Variants in MALRD1 observed in about 807,000 individuals in gnomAD.
MALRD1 encodes the protein MAM and LDL receptor class A domain containing 1, also known as MAM and LDL-receptor class A domain-containing protein 1.
MALRD1 carries 247 observed loss-of-function variants against 242.1 expected under a neutral mutation model. That is an observed-to-expected ratio of 1.02 (90% confidence interval 0.92 to 1.13). The LOEUF is 1.13. Among genes scored for constraint, MALRD1 ranks in the 50% most tolerant of loss-of-function variants. The pLI is 0.00. For synonymous variants in MALRD1, 995 were observed against 866.6 expected, an observed-to-expected ratio of 1.15 and a Z score of -2.60; for missense variants, 2,989 against 2,533.1, an observed-to-expected ratio of 1.18 and a Z score of -3.86.
intron 19 of MALRD1, among the ~76,000 whole-genome samples, chr10:19,278,968 C>A (rs559677126): frequency 3.9e-5 from 6 of 152,276 alleles, no homozygotes; most frequent in African/African-American, 1.2e-4. Flanking sequence ...ATGGACGATT[C>A]ACCACCAAAC....
intron 1 of MALRD1, among the ~76,000 whole-genome samples, chr10:19,049,511 G>C (rs1834422904): frequency 6.6e-6 from 1 of 152,158 alleles, no homozygotes; most frequent in Non-Finnish European, 1.5e-5. Context: ...ATTTAATGTG[G>C]AGATATTTGA....
chr10:19,539,889 TGTGTGTGTGC>T (rs1387986204), intron 32 of MALRD1, among the ~76,000 whole-genome samples: 3 of 82,190 alleles, frequency 3.7e-5, no homozygotes, highest in Admixed American at 1.5e-4. Context: ...TGTGTGTGTG[TGTGTGTGTGC>T]GCGCGCGCGT....
intron 12 of MALRD1, among the ~76,000 whole-genome samples, chr10:19,164,476 AGAGAAGTATTCCACTTT>A (rs1221749383): frequency 6.6e-6 from 1 of 152,212 alleles, no homozygotes; most frequent in Non-Finnish European, 1.5e-5. Context: ...CTGAATCTAA[AGAGAAGTATTCCACTTT>A]TGTGGGACCT....
At chr10:19,100,270 GT>G (rs1836204943) in intron 4 of MALRD1, among the ~76,000 whole-genome samples, 1 of 152,122 alleles carries the variant, frequency 6.6e-6, no homozygotes, top group South Asian at 2.1e-4. Context: ...TAAGAAAAAT[GT>G]TCCTTCCTGC....
At chr10:19,725,068 A>G (rs1036894167) in intron 38 of MALRD1, 2 of 152,234 alleles carry the variant, frequency 1.3e-5, no homozygotes, top group African/African-American at 4.8e-5. Flanking sequence ...ATTGAAAGAA[A>G]TTAAATAAGA....
At chr10:19,309,864 A>T (rs1842357234) in intron 21 of MALRD1, among the ~76,000 whole-genome samples, 2 of 151,500 alleles carry the variant, frequency 1.3e-5, no homozygotes, top group African/African-American at 4.8e-5. Context: ...ATTTAATCAG[A>T]GACTTTACTG....
At chr10:19,582,523 A>T (rs1307139126) in intron 33 of MALRD1, among the ~76,000 whole-genome samples, 2 of 134,804 alleles carry the variant, frequency 1.5e-5, no homozygotes, top group Non-Finnish European at 3.4e-5. Context: ...GTCAAAGATC[A>T]GATAGTTGTA....
chr10:19,158,712 A>G (rs777087577), intron 12 of MALRD1, among the ~76,000 whole-genome samples: 13 of 152,216 alleles, frequency 8.5e-5, no homozygotes, highest in Non-Finnish European at 1.5e-4. Context: ...ACCTAAACAC[A>G]TGCTTGCTCT....
chr10:19,415,190 A>C (rs984096185), intron 28 of MALRD1, among the ~76,000 whole-genome samples: 1 of 152,182 alleles, frequency 6.6e-6, no homozygotes, highest in Non-Finnish European at 1.5e-5. Context: ...AGATACAATA[A>C]TTTTTAAATG....
intron 8 of MALRD1, among the ~76,000 whole-genome samples, chr10:19,133,614 T>A (rs913302638): frequency 2.0e-5 from 3 of 152,180 alleles, no homozygotes; most frequent in Non-Finnish European, 4.4e-5. Flanking sequence ...TCATCCAAAT[T>A]TTTGTTCCAT....
At chr10:19,094,934 T>C (rs1270121446) in intron 4 of MALRD1, among the ~76,000 whole-genome samples, 10 of 152,202 alleles carry the variant, frequency 6.6e-5, no homozygotes, top group Admixed American at 5.9e-4. Flanking sequence ...TATTTTAACA[T>C]TTGGGACAAT....
At chr10:19,364,074 C>T (rs756179009) in intron 26 of MALRD1, among the ~76,000 whole-genome samples, 4 of 151,902 alleles carry the variant, frequency 2.6e-5, no homozygotes, top group African/African-American at 4.8e-5. Flanking sequence ...AAAATATCAG[C>T]ATGGGAGGAG....
At chr10:19,427,785 T>TA (rs1421895124) in intron 28 of MALRD1, among the ~76,000 whole-genome samples, 14 of 152,246 alleles carry the variant, frequency 9.2e-5, no homozygotes, top group Admixed American at 9.2e-4. Context: ...ATATAGAACA[T>TA]ACCTACATGA....
chr10:19,663,962 A>G (rs1032080765), intron 36 of MALRD1, among the ~76,000 whole-genome samples: 6 of 151,978 alleles, frequency 3.9e-5, no homozygotes, highest in Non-Finnish European at 8.8e-5. Flanking sequence ...GGCCTTTTCT[A>G]CTTGCCAGGC....
rs1323820312 is a variant in MALRD1, at chr10:19,708,706, G to A, written c.6314+16152G>A. Among the ~76,000 whole-genome samples the A allele has an allele frequency of 1.6e-5, 2 of 121,552 alleles. 1 individual carries two copies. The highest frequency in any genetic ancestry group is 3.8e-5 in the Non-Finnish European group (2 of 52,956). 79.7% of individuals were successfully genotyped at this position (121,552 alleles called of 152,430 possible). A position where few individuals can be genotyped will look rare whatever the true frequency, so the allele number is the denominator to read the frequency against. On this transcript the variant is annotated intron_variant, in intron 38 of 39. Transcript: ENST00000454679. ...AGACAGAGCCTCGCATTGTCACCCA[G>A]GCTGGAGTGCAGAGGCACGATCTCG...
intron 24 of MALRD1, among the ~76,000 whole-genome samples, chr10:19,347,191 T>C (rs911699702): frequency 6.6e-6 from 1 of 152,154 alleles, no homozygotes; most frequent in South Asian, 2.1e-4. Context: ...AGTAATAAAA[T>C]ACTTCAAAAA....
intron 27 of MALRD1, 76 bp from the exon 28 acceptor site, chr10:19,389,376 C>G (rs975271103): frequency 7.0e-7 from 1 of 1,432,524 alleles, no homozygotes; most frequent in African/African-American, 1.4e-5. Context: ...ATTAAAGACC[C>G]TAACTATGAT....
At chr10:19,266,531 C>A (rs922804149) in intron 19 of MALRD1, among the ~76,000 whole-genome samples, 1 of 151,704 alleles carries the variant, frequency 6.6e-6, no homozygotes, top group East Asian at 1.9e-4. Flanking sequence ...TTTAATTTCA[C>A]AATTTACATC....
At chr10:19,711,898 C>G (rs1314044692) in intron 38 of MALRD1, among the ~76,000 whole-genome samples, 1 of 152,134 alleles carries the variant, frequency 6.6e-6, no homozygotes, top group African/African-American at 2.4e-5. Context: ...GAAATATAAC[C>G]ATCTGTGGGA....
Sources: allele counts gnomAD v4.1 joint callset (sites outside exome capture counted in the v4.1 genomes callset), GRCh38; gene constraint gnomAD v4.1.1; transcripts MANE v1.5; gene names NCBI Gene and HGNC (gene_info 2026-07-23, HGNC 2026-07-21).